Variants in NFATC2 observed in about 807,000 individuals in gnomAD.
The protein encoded by NFATC2 is nuclear factor of activated T cells 2.
Under a neutral mutation model 87.3 loss-of-function variants are expected in NFATC2, and 22 were observed. The observed-to-expected ratio is 0.25, with a 90% CI of 0.18 to 0.36. The LOEUF (loss-of-function observed/expected upper bound fraction) is 0.36, where lower values mean the gene tolerates loss of function less well. NFATC2 is among the 10% of genes least tolerant of loss of function. NFATC2 has a pLI of 1.00. For missense variants in NFATC2, 1,149 were observed against 1,259.1 expected (o/e 0.91, Z 1.32); for synonymous variants, 565 against 542.2 (o/e 1.04, Z -0.58).
intron 3 of NFATC2, among the ~76,000 whole-genome samples, chr20:51,514,199 T>A (rs1025879876): frequency 1.3e-5 from 2 of 152,236 alleles, no homozygotes; most frequent in Non-Finnish European, 2.9e-5. Context: ...TTTGTTCATA[T>A]CATAACCCAG....
At chr20:51,393,432 AATAC>A (rs1355115419) in intron 10 of NFATC2, among the ~76,000 whole-genome samples, 3 of 119,974 alleles carry the variant, frequency 2.5e-5, no homozygotes, top group Admixed American at 8.2e-5. Flanking sequence ...ATGTATTAGA[AATAC>A]ATACATTATG....
intron 1 of NFATC2, among the ~76,000 whole-genome samples, chr20:51,556,135 G>A (rs563582553): frequency 6.6e-6 from 1 of 152,312 alleles, no homozygotes; most frequent in Non-Finnish European, 1.5e-5. Context: ...GCCACAGAGG[G>A]CCAAGGGTCT....
chr20:51,438,617 C>T (rs1267994717), intron 6 of NFATC2, among the ~76,000 whole-genome samples: 2 of 152,134 alleles, frequency 1.3e-5, no homozygotes, highest in East Asian at 3.9e-4. Context: ...TACAAAATGG[C>T]GGTCCAACAA....
intron 6 of NFATC2, among the ~76,000 whole-genome samples, chr20:51,442,895 C>T (rs1984557597): frequency 6.6e-6 from 1 of 151,954 alleles, no homozygotes; most frequent in African/African-American, 2.4e-5. Flanking sequence ...CCCTCCGGGG[C>T]CCCCAAACAG....
chr20:51,389,615 G>A lies in NFATC2; in HGVS notation c.*1881C>T, dbSNP rs545008895. On this transcript the variant is annotated 3_prime_UTR_variant, in exon 11 of 11. Transcript: ENST00000371564. ...ATTTTGCTAAACTCTTTGAGCTTAGGGTGGGTGAGGGAAAGGTCGTTCATT... is the reference window on the plus strand; with the variant it reads ...ATTTTGCTAAACTCTTTGAGCTTAGAGTGGGTGAGGGAAAGGTCGTTCATT... 6.6e-6 allele frequency: 1 copy of A among 152,102 alleles called. No homozygotes were observed. The highest frequency in any genetic ancestry group is 1.5e-5 in the Non-Finnish European group (1 of 68,022). 9.4% of individuals were successfully genotyped at this position (152,102 alleles called of 1,614,324 possible).
At chr20:51,449,471 A>G (rs1195819188) in intron 6 of NFATC2, among the ~76,000 whole-genome samples, 1 of 152,178 alleles carries the variant, frequency 6.6e-6, no homozygotes, top group African/African-American at 2.4e-5. Context: ...TTCTTCAGTT[A>G]GGCATGGAAG....
chr20:51,548,274 C>G (rs1051341969), intron 1 of NFATC2, among the ~76,000 whole-genome samples: 3 of 152,218 alleles, frequency 2.0e-5, no homozygotes, highest in African/African-American at 4.8e-5. Flanking sequence ...CAAAAGTCAC[C>G]TGTTAGAGAC....
At chr20:51,405,925 C>T (rs542937376) in intron 9 of NFATC2, among the ~76,000 whole-genome samples, 5 of 152,218 alleles carry the variant, frequency 3.3e-5, no homozygotes, top group African/African-American at 1.2e-4. Flanking sequence ...TACAGGTGTC[C>T]GCCACCATGC....
chr20:51,404,239 A>G (rs1277201400), intron 9 of NFATC2, among the ~76,000 whole-genome samples: 1 of 152,222 alleles, frequency 6.6e-6, no homozygotes, highest in Non-Finnish European at 1.5e-5. Flanking sequence ...TCAGAGTCCC[A>G]GGGACACACA....
At chr20:51,551,871 C>T (rs1272478345) in intron 1 of NFATC2, among the ~76,000 whole-genome samples, 8 of 151,496 alleles carry the variant, frequency 5.3e-5, no homozygotes, top group Non-Finnish European at 1.0e-4. Flanking sequence ...ACTAAAAATA[C>T]AAAAAGTTAG....
intron 3 of NFATC2, among the ~76,000 whole-genome samples, chr20:51,502,906 GA>G (rs1455981709): frequency 2.6e-5 from 4 of 152,184 alleles, no homozygotes; most frequent in Non-Finnish European, 5.9e-5. Flanking sequence ...ATGATGTCAA[GA>G]GGATCAATTC....
chr20:51,467,931 A>G (rs1987845944), intron 5 of NFATC2, among the ~76,000 whole-genome samples: 1 of 152,230 alleles, frequency 6.6e-6, no homozygotes. Flanking sequence ...TATCAATGGT[A>G]AATAAACAAT....
At chr20:51,508,253 C>G (rs749110686) in intron 3 of NFATC2, among the ~76,000 whole-genome samples, 3 of 152,098 alleles carry the variant, frequency 2.0e-5, no homozygotes, top group African/African-American at 4.8e-5. Context: ...GCGGGCCGGT[C>G]TCACCACGCC....
intron 2 of NFATC2, among the ~76,000 whole-genome samples, chr20:51,521,643 T>G (rs1459606920): frequency 6.6e-6 from 1 of 152,198 alleles, no homozygotes; most frequent in Non-Finnish European, 1.5e-5. Flanking sequence ...CAATTTAATA[T>G]TGGGGATAAA....
At chr20:51,430,399 T>C (rs1220542699) in intron 9 of NFATC2, among the ~76,000 whole-genome samples, 1 of 152,248 alleles carries the variant, frequency 6.6e-6, no homozygotes, top group Non-Finnish European at 1.5e-5. Flanking sequence ...CAAAACCTTA[T>C]CTTCACCATT....
Position 51,418,657 on chromosome 20 carries a change from TG to T in NFATC2, c.2722+13409del, listed in dbSNP as rs1478875998. On this transcript the variant is annotated intron_variant, in intron 9 of 10. Coordinates refer to ENST00000371564, the MANE Select transcript of NFATC2 (RefSeq NM_012340.5). ...TTTAGGTTTTCTTTTGTTGTTTGTT[TG>T]GTTTTTTTTTTTTTTTTTTTTTGAG... is the stretch of plus-strand genomic sequence containing the variant. Among the ~76,000 whole-genome samples, 62 of 148,088 alleles carry T rather than the reference TG, an allele frequency of 4.2e-4. 1 individual carries two copies. The highest frequency in any genetic ancestry group is 1.5e-3 in the African/African-American group (57 of 38,836).
chr20:51,506,747 TC>T (rs1388508367), intron 3 of NFATC2, among the ~76,000 whole-genome samples: 3 of 45,932 alleles, frequency 6.5e-5, no homozygotes, highest in South Asian at 5.4e-4. Context: ...GCGAGATGGC[TC>T]GGGGGCCTGC....
intron 3 of NFATC2, among the ~76,000 whole-genome samples, chr20:51,504,153 G>A (rs1223835099): frequency 6.6e-6 from 1 of 152,204 alleles, no homozygotes; most frequent in Non-Finnish European, 1.5e-5. Flanking sequence ...CTCCTGAGTA[G>A]CTAGGATTAC....
chr20:51,434,685 A>G (rs1334272519), intron 8 of NFATC2, among the ~76,000 whole-genome samples: 1 of 152,160 alleles, frequency 6.6e-6, no homozygotes, highest in Non-Finnish European at 1.5e-5. Context: ...TGCATGAAAA[A>G]ATGGTACTCA....
Sources: gnomAD v4.1 joint callset for allele counts (sites outside exome capture counted in the v4.1 genomes callset) on GRCh38, gnomAD v4.1.1 for gene constraint, MANE v1.5 for transcripts, NCBI Gene and HGNC (gene_info 2026-07-23, HGNC 2026-07-21) for gene names.